The following SEMA5A variants were observed in gnomAD, a reference collection of about 807,000 sequenced individuals.
SEMA5A encodes semaphorin-5A.
In SEMA5A, 55 loss-of-function variants were observed where a neutral mutation model predicts 135.5. The ratio of observed to expected loss-of-function variants is 0.41; its 90% CI spans 0.33 to 0.51. The LOEUF (loss-of-function observed/expected upper bound fraction) is 0.51, where lower values mean the gene tolerates loss of function less well. SEMA5A is among the 20% of genes least tolerant of loss of function. The pLI, the probability that SEMA5A is intolerant of heterozygous loss-of-function variation, is 0.37. For synonymous variants in SEMA5A, 580 were observed against 546.5 expected, an observed-to-expected ratio of 1.06 and a Z score of -0.85; for missense variants, 1,290 against 1,419.9, an observed-to-expected ratio of 0.91 and a Z score of 1.47.
intron 4 of SEMA5A, among the ~76,000 whole-genome samples, chr5:9,330,540 C>A (rs1180255625): frequency 6.6e-6 from 1 of 151,972 alleles, no homozygotes; most frequent in Non-Finnish European, 1.5e-5. Context: ...AAGCACACAC[C>A]CTGAGCCAGC....
At chr5:9,055,761 T>C (rs1434024980) in intron 18 of SEMA5A, among the ~76,000 whole-genome samples, 1 of 152,186 alleles carries the variant, frequency 6.6e-6, no homozygotes, top group Non-Finnish European at 1.5e-5. Context: ...TCAACAGTAT[T>C]TTCCCTAAAA....
At position 9,162,564 on chromosome 5, in the gene SEMA5A, G is replaced by GTGTATATATATA. The variant is rs1331354641; in HGVS notation, c.1274-7870_1274-7869insTATATATATACA. On this transcript the variant is annotated intron_variant, in intron 11 of 22. Transcript: ENST00000382496. ...TGTGTGTATATATGTGTGTGTGTGT[G>GTGTATATATATA]TATATATATATATATATATATACAC... is the stretch of plus-strand genomic sequence containing the variant. Among the ~76,000 whole-genome samples, 322 of 84,016 alleles carry GTGTATATATATA rather than the reference G, an allele frequency of 3.8e-3. 5 individuals carry two copies. The highest frequency in any genetic ancestry group is 0.012 in the African/African-American group (299 of 25,604). The allele number at this position is 84,016 out of a possible 152,430, so 55.1% of individuals were successfully genotyped here.
chr5:9,355,698 C>T (rs2126333736), intron 3 of SEMA5A, among the ~76,000 whole-genome samples: 1 of 152,190 alleles, frequency 6.6e-6, no homozygotes, highest in South Asian at 2.1e-4. Context: ...GGTTTGGTAG[C>T]CCTCAACATA....
At chr5:9,209,094 C>T (rs543790758) in intron 8 of SEMA5A, among the ~76,000 whole-genome samples, 2 of 152,318 alleles carry the variant, frequency 1.3e-5, no homozygotes, top group East Asian at 3.9e-4. Context: ...GGGAAATGGG[C>T]TGGCTTCCCC....
chr5:9,197,606 C>T (rs1241407661), intron 9 of SEMA5A, among the ~76,000 whole-genome samples: 6 of 152,134 alleles, frequency 3.9e-5, no homozygotes, highest in East Asian at 3.9e-4. Context: ...ATCTGCTTCA[C>T]CTTTCAAATT....
At chr5:9,211,358 G>C (rs1746336332) in intron 8 of SEMA5A, among the ~76,000 whole-genome samples, 1 of 152,052 alleles carries the variant, frequency 6.6e-6, no homozygotes, top group African/African-American at 2.4e-5. Flanking sequence ...CTTGCATTTT[G>C]GTACCCACAT....
intron 11 of SEMA5A, among the ~76,000 whole-genome samples, chr5:9,162,564 G>GTATATA (rs779776274): frequency 0.018 from 1,508 of 83,932 alleles, 49 homozygotes; most frequent in African/African-American, 0.039. Context: ...GTGTGTGTGT[G>GTATATA]TATATATATA....
chr5:9,077,588 C>G (rs891503080), intron 16 of SEMA5A, among the ~76,000 whole-genome samples: 2 of 152,242 alleles, frequency 1.3e-5, no homozygotes, highest in Non-Finnish European at 2.9e-5. Flanking sequence ...GTACTCTCTA[C>G]ATACCTTATC....
chr5:9,281,896 C>G (rs2150565903), intron 5 of SEMA5A, among the ~76,000 whole-genome samples: 1 of 147,284 alleles, frequency 6.8e-6, no homozygotes, highest in East Asian at 2.0e-4. Context: ...GCAATCTTGG[C>G]TCACTGCAAC....
At chr5:9,384,721 C>T (rs62342041) in intron 2 of SEMA5A, among the ~76,000 whole-genome samples, 21,425 of 86,916 alleles carry the variant, frequency 0.25, 3,391 homozygotes, top group East Asian at 0.33. Context: ...GATAGACAGA[C>T]AGACAGACAG....
intron 1 of SEMA5A, among the ~76,000 whole-genome samples, chr5:9,487,983 T>C (rs1412208443): frequency 6.6e-6 from 1 of 152,184 alleles, no homozygotes; most frequent in Admixed American, 6.5e-5. Context: ...TATTTTCCAC[T>C]TCAACATGCA....
At chr5:9,168,784 G>T (rs1743753119) in intron 11 of SEMA5A, among the ~76,000 whole-genome samples, 1 of 152,160 alleles carries the variant, frequency 6.6e-6, no homozygotes, top group Admixed American at 6.5e-5. Flanking sequence ...AGAGGTGGAG[G>T]GAATATTTGA....
At chr5:9,313,832 G>A (rs1486605634) in intron 5 of SEMA5A, among the ~76,000 whole-genome samples, 1 of 152,144 alleles carries the variant, frequency 6.6e-6, no homozygotes, top group South Asian at 2.1e-4. Flanking sequence ...AAGAGCAAAT[G>A]CTTCAAGTTG....
At chr5:9,476,767 T>G (rs1253247778) in intron 1 of SEMA5A, among the ~76,000 whole-genome samples, 2 of 152,148 alleles carry the variant, frequency 1.3e-5, no homozygotes, top group African/African-American at 2.4e-5. Flanking sequence ...AAATACCCAT[T>G]GCCATTAGAA....
At chr5:9,464,130 G>C (rs1023247602) in intron 1 of SEMA5A, among the ~76,000 whole-genome samples, 3 of 152,252 alleles carry the variant, frequency 2.0e-5, no homozygotes, top group Non-Finnish European at 4.4e-5. Context: ...TCCCCACCCT[G>C]AATGACAACA....
chr5:9,470,790 C>T (rs930831504), intron 1 of SEMA5A, among the ~76,000 whole-genome samples: 1 of 152,182 alleles, frequency 6.6e-6, no homozygotes. Context: ...TCAAAGAGCA[C>T]CTCCAGCAAG....
At chr5:9,265,431 T>C in intron 5 of SEMA5A, 3 of 456,242 alleles carry the variant, frequency 6.6e-6, no homozygotes, top group South Asian at 1.5e-5. Context: ...ACAGGCATCC[T>C]ACCTTCCTTC....
At chr5:9,247,930 T>TAC (rs1186898117) in intron 5 of SEMA5A, among the ~76,000 whole-genome samples, 2 of 152,228 alleles carry the variant, frequency 1.3e-5, no homozygotes, top group Non-Finnish European at 2.9e-5. Context: ...ACATGACTGA[T>TAC]ACATTCATGT....
chr5:9,162,504 ATAGG>A (rs1335982081), intron 11 of SEMA5A, among the ~76,000 whole-genome samples: 23 of 71,372 alleles, frequency 3.2e-4, no homozygotes, highest in African/African-American at 8.9e-4. Flanking sequence ...ATGTGTATAT[ATAGG>A]AATATATGTG....
Sources: allele counts gnomAD v4.1 joint callset (sites outside exome capture counted in the v4.1 genomes callset), GRCh38; gene constraint gnomAD v4.1.1; transcripts MANE v1.5; gene names NCBI Gene and HGNC (gene_info 2026-07-23, HGNC 2026-07-21).